The following YIF1B variants were observed in gnomAD, a reference collection of about 807,000 sequenced individuals.
The protein encoded by YIF1B is protein YIF1B.
In YIF1B, 24 loss-of-function variants were observed where a neutral mutation model predicts 34.6. The ratio of observed to expected loss-of-function variants is 0.69; its 90% confidence interval spans 0.50 to 0.98. The LOEUF (loss-of-function observed/expected upper bound fraction) is 0.98. Among genes scored for constraint, YIF1B ranks in the 50% least tolerant of loss-of-function variants. The probability of loss-of-function intolerance (pLI) is 0.00; values close to 1 mark genes in which losing one functional copy is unlikely to be tolerated. For missense variants in YIF1B, 368 were observed against 429.4 expected (o/e 0.86, Z 1.26); for synonymous variants, 186 against 184.8 (o/e 1.01, Z -0.05).
intron 1 of YIF1B, among the ~76,000 whole-genome samples, chr19:38,312,205 C>A (rs1398218309): frequency 6.6e-6 from 1 of 151,950 alleles, no homozygotes; most frequent in African/African-American, 2.4e-5. Context: ...AGGCAGATCA[C>A]CTGAACTCAG....
At chr19:38,316,670 T>C (rs1161575999), upstream of YIF1B, among the ~76,000 whole-genome samples, 1 of 152,134 alleles carries the variant, frequency 6.6e-6, no homozygotes, top group East Asian at 1.9e-4. Flanking sequence ...ATACAATTTT[T>C]GACATCCCTT....
intron 1 of YIF1B, among the ~76,000 whole-genome samples, chr19:38,314,389 C>T (rs1434695361): frequency 1.3e-5 from 2 of 151,318 alleles, no homozygotes; most frequent in African/African-American, 4.9e-5. Flanking sequence ...GAGATGGGGT[C>T]TCACCATGTT....
intron 1 of YIF1B, chr19:38,315,505 C>G (rs1034756915): frequency 2.9e-6 from 4 of 1,402,632 alleles, no homozygotes. Flanking sequence ...TGGCCCTCTG[C>G]GCTCCCGGGG....
At chr19:38,305,985 C>T (rs1969007244) in intron 7 of YIF1B, among the ~76,000 whole-genome samples, 1 of 152,036 alleles carries the variant, frequency 6.6e-6, no homozygotes, top group African/African-American at 2.4e-5. Flanking sequence ...GGGCGGATCA[C>T]GAGGTCAGGA....
At position 38,308,992 on chromosome 19, in the gene YIF1B, G is replaced by A; in HGVS notation, c.468C>T (p.Asp156=). The A allele has an allele frequency of 6.3e-7, 1 of 1,593,798 alleles. No homozygotes were observed. Among genetic ancestry groups the A allele is most frequent in the Non-Finnish European group, 8.6e-7 (1 of 1,168,252 alleles). The change falls in exon 4 of 8, where the codon GAC becomes GAT. Residue 156 remains aspartate (D), a synonymous_variant. Coordinates refer to ENST00000339413, the MANE Select transcript of YIF1B (RefSeq NM_001039672.3). ...GGAGGGTGAAACCTGGAATGTAGAGGTCCGGGGCATTGACGTCAAAGCGGG... is the reference window on the plus strand; with the variant it reads ...GGAGGGTGAAACCTGGAATGTAGAGATCCGGGGCATTGACGTCAAAGCGGG... The part of the protein sequence containing the change: ...VAPRFDVNAP[D]LYIPAMAFIT...
chr19:38,315,142 G>C (rs1969492474), intron 1 of YIF1B, among the ~76,000 whole-genome samples: 1 of 151,934 alleles, frequency 6.6e-6, no homozygotes, highest in African/African-American at 2.4e-5. Context: ...CTACTTGGGA[G>C]GCTGAGGCAG....
chr19:38,304,258 C>T lies in YIF1B; in HGVS notation c.*1094G>A. On this transcript the variant is annotated 3_prime_UTR_variant, in exon 8 of 8. Coordinates refer to ENST00000339413, the MANE Select transcript of YIF1B (RefSeq NM_001039672.3). Reference sequence around the variant, plus strand: ...GGCCTTAGGACCCAACTTCTCTTACCGCCATGGAGTTCGACCTGGGAGCAG... The same window carrying T: ...GGCCTTAGGACCCAACTTCTCTTACTGCCATGGAGTTCGACCTGGGAGCAG... 1.2e-6 allele frequency: 2 copies of T among 1,613,702 alleles called. No homozygotes were observed. Among genetic ancestry groups the T allele is most frequent in the Admixed American group, 1.7e-5 (1 of 60,016 alleles).
chr19:38,316,217 G>A (rs1322045207), upstream of YIF1B, among the ~76,000 whole-genome samples: 1 of 152,192 alleles, frequency 6.6e-6, no homozygotes, highest in Non-Finnish European at 1.5e-5. Flanking sequence ...GACAGAAAAT[G>A]AGTGTCTGCC....
upstream of YIF1B, chr19:38,319,722 G>A: frequency 2.0e-6 from 1 of 490,360 alleles, no homozygotes. Context: ...TGGGAGCACT[G>A]GGCTCCACCC....
Position 38,304,676 on chromosome 19 carries a change from CG to C in YIF1B, c.*675del, listed in dbSNP as rs758405299. On this transcript the variant is annotated 3_prime_UTR_variant, in exon 8 of 8. Coordinates refer to ENST00000339413, the MANE Select transcript of YIF1B (RefSeq NM_001039672.3). The stretch of plus-strand genomic sequence containing the variant: ...AGCAGCAGCTCCAGCGATTCGGACA[CG>C]GATGTGAAGGTAAGGGGCTCTCGCC... 4 of 1,613,662 alleles carry C rather than the reference CG, an allele frequency of 2.5e-6. No individual in the cohort carries two copies. The East Asian group carries it at 8.9e-5, about 36-fold the overall frequency.
At chr19:38,321,807 G>GGTCA (rs1943584857), upstream of YIF1B, among the ~76,000 whole-genome samples, 1 of 152,192 alleles carries the variant, frequency 6.6e-6, no homozygotes, top group African/African-American at 2.4e-5. Flanking sequence ...AGCTTCCCTG[G>GGTCA]GTCATGTGCA....
chr19:38,321,432 C>G (rs1223800965), upstream of YIF1B, among the ~76,000 whole-genome samples: 1 of 152,248 alleles, frequency 6.6e-6, no homozygotes, highest in African/African-American at 2.4e-5. Flanking sequence ...CACCTGTTCC[C>G]TCTGGACCTG....
upstream of YIF1B, among the ~76,000 whole-genome samples, chr19:38,320,896 C>G (rs1011144059): frequency 9.9e-5 from 15 of 152,266 alleles, no homozygotes; most frequent in East Asian, 2.9e-3. Context: ...TGACCCGGGT[C>G]TGTCCAGCCC....
upstream of YIF1B, chr19:38,320,115 T>C (rs1600419352): frequency 1.9e-6 from 3 of 1,576,750 alleles, no homozygotes; most frequent in Middle Eastern, 1.7e-4. Context: ...CGTGTGTGGC[T>C]GCCCCCGCCC....
intron 7 of YIF1B, chr19:38,306,928 G>T (rs780370995): frequency 2.1e-6 from 1 of 468,194 alleles, no homozygotes. Context: ...TGATCCGACC[G>T]CCTCGGCCTC....
chr19:38,313,449 C>A (rs1479082901), intron 1 of YIF1B, among the ~76,000 whole-genome samples: 1 of 150,028 alleles, frequency 6.7e-6, no homozygotes, highest in African/African-American at 2.5e-5. Context: ...TTAGTAGAGA[C>A]GGGGTTTCAC....
At chr19:38,318,429 G>A (rs1238370203), upstream of YIF1B, among the ~76,000 whole-genome samples, 2 of 151,934 alleles carry the variant, frequency 1.3e-5, no homozygotes, top group African/African-American at 2.4e-5. Context: ...GACTACAGAC[G>A]CATGCCACCA....
upstream of YIF1B, chr19:38,319,741 C>T (rs929449543): frequency 2.7e-5 from 14 of 522,864 alleles, no homozygotes; most frequent in African/African-American, 2.8e-4. Context: ...CCTCTCCGAA[C>T]GAACACCTGG....
chr19:38,315,967 C>G, upstream of YIF1B: 5 of 1,377,926 alleles, frequency 3.6e-6, no homozygotes, highest in Non-Finnish European at 4.7e-6. Context: ...CCGCCCGGCT[C>G]CCGTACCCAC....
Sources: gnomAD v4.1 joint callset for allele counts (sites outside exome capture counted in the v4.1 genomes callset) on GRCh38, gnomAD v4.1.1 for gene constraint, MANE v1.5 for transcripts, NCBI Gene and HGNC (gene_info 2026-07-23, HGNC 2026-07-21) for gene names.